Variants in PCDHGA5 observed in about 807,000 individuals in gnomAD.
PCDHGA5 encodes protocadherin gamma-A5.
In PCDHGA5, 36 loss-of-function variants were observed where a neutral mutation model predicts 56.7. The ratio of observed to expected loss-of-function variants is 0.64; its 90% CI spans 0.49 to 0.84. The LOEUF is 0.84. Among genes scored for constraint, PCDHGA5 ranks in the 40% least tolerant of loss-of-function variants. The probability of loss-of-function intolerance (pLI) is 0.00; values close to 1 mark genes in which losing one functional copy is unlikely to be tolerated. For missense variants in PCDHGA5, 1,305 were observed against 1,201.5 expected (o/e 1.09, Z -1.27); for synonymous variants, 563 against 520.2 (o/e 1.08, Z -1.12).
At position 141,477,781 on chromosome 5, in the gene PCDHGA5, A is replaced by G; in HGVS notation, c.2422-17026A>G. 6.2e-7 allele frequency: 1 copy of G among 1,614,036 alleles called. No homozygotes were observed. Among genetic ancestry groups the G allele is most frequent in the South Asian group, 1.1e-5 (1 of 91,090 alleles). Reference sequence around the variant, plus strand: ...TAGCCACCAACATCAGCGTGAACATATTTGTCACTGATCGCAATGACAATG... The same window carrying G: ...TAGCCACCAACATCAGCGTGAACATGTTTGTCACTGATCGCAATGACAATG... On this transcript the variant is annotated intron_variant, in intron 1 of 3. Coordinates refer to ENST00000518069, the MANE Select transcript of PCDHGA5 (RefSeq NM_018918.3). The surrounding 1 kb of genome is among the most constrained non-coding windows in gnomAD (Gnocchi z 4.9).
rs1330257915 is a variant in PCDHGA5 at position 141,486,153 on chromosome 5, C to T, written c.2422-8654C>T. Reference sequence around the variant, plus strand: ...GATGTGCGGGCTCGCGATGGGGGTTCTCCAGCCATGGAGCAACATTGCAGC... The same window carrying T: ...GATGTGCGGGCTCGCGATGGGGGTTTTCCAGCCATGGAGCAACATTGCAGC... On this transcript the variant is annotated intron_variant, in intron 1 of 3. Transcript: ENST00000518069. This position sits in a 1 kb window ranked among gnomAD's most constrained non-coding sequence, Gnocchi z 5.0. 1 of 1,614,084 alleles carries T rather than the reference C, an allele frequency of 6.2e-7. No homozygotes were observed. Among genetic ancestry groups the T allele is most frequent in the Non-Finnish European group, 8.5e-7 (1 of 1,180,036 alleles).
In PCDHGA5 at chr5:141,476,653, C is replaced by T; in HGVS notation, c.2422-18154C>T. ...CCTATGAGCTGAGCCGAAATGAATA[C>T]TTTGCGCTTCGCGTGCAGACGCGGG... is the stretch of plus-strand genomic sequence containing the variant. On this transcript the variant is annotated intron_variant, in intron 1 of 3. Transcript: ENST00000518069. The surrounding 1 kb of genome is among the most constrained non-coding windows in gnomAD (Gnocchi z 7.6). 6.2e-7 allele frequency: 1 copy of T among 1,614,270 alleles called. No individual in the cohort carries two copies. The highest frequency in any genetic ancestry group is 8.5e-7 in the Non-Finnish European group (1 of 1,180,058).
At chr5:141,478,468 C>A (rs2099457906) in intron 1 of PCDHGA5, 2 of 1,613,800 alleles carry the variant, frequency 1.2e-6, no homozygotes, top group Admixed American at 1.7e-5. Flanking sequence ...CACTGGCCAG[C>A]CGCCAGAACA....
intron 1 of PCDHGA5, chr5:141,375,951 C>A (rs767101939): frequency 6.2e-7 from 1 of 1,613,408 alleles, no homozygotes; most frequent in Non-Finnish European, 8.5e-7. Flanking sequence ...GGCCTGCACA[C>A]GGGCGAGGTG....
At chr5:141,423,755 G>GT (rs542747697) in intron 1 of PCDHGA5, 5 of 512,416 alleles carry the variant, frequency 9.8e-6, no homozygotes, top group Admixed American at 7.1e-5. Context: ...CTGTTTGGGG[G>GT]GGGGGTGGGG....
rs762418103 is a variant in PCDHGA5 at position 141,364,738 on chromosome 5, A to G, written c.408A>G (p.Glu136=). Reference sequence around the variant, plus strand: ...ATAACTTCCCGCGTTTCCGGGATGAAGAGTTAAAAGTAAAAGTTAATGAAA... The same window carrying G: ...ATAACTTCCCGCGTTTCCGGGATGAGGAGTTAAAAGTAAAAGTTAATGAAA... ...INDNFPRFRD[E]ELKVKVNENA... is the part of the protein sequence containing the mutation. Residue 136 remains glutamate (E), a synonymous_variant, in exon 1 of 4, where the codon GAA becomes GAG. Transcript: ENST00000518069. The G allele has an allele frequency of 3.1e-6, 5 of 1,613,948 alleles. 1 individual carries two copies. In the South Asian group the frequency reaches 5.5e-5, roughly 18 times the overall value.
At chr5:141,439,547 T>C (rs2098120171) in intron 1 of PCDHGA5, among the ~76,000 whole-genome samples, 2 of 152,180 alleles carry the variant, frequency 1.3e-5, no homozygotes, top group Non-Finnish European at 2.9e-5. Context: ...CTCTCATTTC[T>C]TCAGGCTGCA....
rs748803155 is a variant in PCDHGA5, at chr5:141,490,087, G to C, written c.2422-4720G>C. ...CGGCCAACTAGACTATTCTTTTGGAGACCACACATCTGAGGCAGTGCGGAA... is the reference window on the plus strand; with the variant it reads ...CGGCCAACTAGACTATTCTTTTGGACACCACACATCTGAGGCAGTGCGGAA... On this transcript the variant is annotated intron_variant, in intron 1 of 3. Transcript: ENST00000518069. The surrounding 1 kb of genome is among the most constrained non-coding windows in gnomAD (Gnocchi z 5.4). 1.9e-6 allele frequency: 3 copies of C among 1,614,244 alleles called. No individual in the cohort carries two copies. Among genetic ancestry groups the C allele is most frequent in the Non-Finnish European group, 2.5e-6 (3 of 1,180,044 alleles).
chr5:141,476,205 C>G lies in PCDHGA5; in HGVS notation c.2422-18602C>G. ...CTGCTTGGTGCCTTGAACAAGGCTT[C>G]CACGGTCATTCACTATGAGATCCCG... On this transcript the variant is annotated intron_variant, in intron 1 of 3. Transcript: ENST00000518069. The surrounding 1 kb of genome is among the most constrained non-coding windows in gnomAD (Gnocchi z 7.6). 1 of 1,613,892 alleles carries G rather than the reference C, an allele frequency of 6.2e-7. No homozygotes were observed. Among genetic ancestry groups the G allele is most frequent in the Non-Finnish European group, 8.5e-7 (1 of 1,180,012 alleles).
chr5:141,425,559 G>A (rs1180113940), intron 1 of PCDHGA5, among the ~76,000 whole-genome samples: 2 of 152,176 alleles, frequency 1.3e-5, no homozygotes, highest in East Asian at 3.9e-4. Context: ...TCTTTTATAA[G>A]TGATAAGAAG....
At position 141,489,097 on chromosome 5, in the gene PCDHGA5, C is replaced by A; in HGVS notation, c.2422-5710C>A. ...ACCCCCGCCACTCGGTGACTAAGAA[C>A]TGCTGCAAGCAGGCAAACCTCCGAG... On this transcript the variant is annotated intron_variant, in intron 1 of 3. Transcript: ENST00000518069. This position sits in a 1 kb window ranked among gnomAD's most constrained non-coding sequence, Gnocchi z 4.5. The A allele has an allele frequency of 2.6e-5, 8 of 313,358 alleles. No homozygotes were observed. Among genetic ancestry groups the A allele is most frequent in the Non-Finnish European group, 3.5e-5 (6 of 172,456 alleles). The allele number at this position is 313,358 out of a possible 1,614,324, so 19.4% of individuals were successfully genotyped here. A position where few individuals can be genotyped will look rare whatever the true frequency, so the allele number is the denominator to read the frequency against.
intron 1 of PCDHGA5, among the ~76,000 whole-genome samples, chr5:141,406,535 G>A (rs2094820779): frequency 6.6e-6 from 1 of 152,168 alleles, no homozygotes; most frequent in South Asian, 2.1e-4. Context: ...TTCTGACGAA[G>A]ATTCAAACTT....
chr5:141,382,683 G>C, intron 1 of PCDHGA5: 1 of 444,266 alleles, frequency 2.3e-6, no homozygotes, highest in Non-Finnish European at 4.0e-6. Flanking sequence ...ACCAACCAGG[G>C]AAAAATGGTG....
At chr5:141,413,822 T>G in intron 1 of PCDHGA5, 1 of 1,613,216 alleles carries the variant, frequency 6.2e-7, no homozygotes, top group Non-Finnish European at 8.5e-7. Context: ...CACCTGGTCC[T>G]CACCGCCTCC....
At chr5:141,426,963 C>G (rs1008659501) in intron 1 of PCDHGA5, 1 of 456,646 alleles carries the variant, frequency 2.2e-6, no homozygotes, top group African/African-American at 2.0e-5. Flanking sequence ...TGCTGCAATT[C>G]AAATTGAGGT....
chr5:141,452,133 A>C (rs2098734490), intron 1 of PCDHGA5, among the ~76,000 whole-genome samples: 1 of 152,136 alleles, frequency 6.6e-6, no homozygotes, highest in Admixed American at 6.5e-5. Flanking sequence ...TATATGGCTC[A>C]TGTGTTTTTT....
chr5:141,490,143 A>G lies in PCDHGA5; in HGVS notation c.2422-4664A>G. On this transcript the variant is annotated intron_variant, in intron 1 of 3. Transcript: ENST00000518069. The surrounding 1 kb of genome is among the most constrained non-coding windows in gnomAD (Gnocchi z 5.4). ...TTGGCCTAGACCCTAGCAGTGGGGC[A>G]ATCCATGTGTTGGGTCCCATAGACT... is the stretch of plus-strand genomic sequence containing the variant. 1 of 1,614,234 alleles carries G rather than the reference A, an allele frequency of 6.2e-7. No homozygotes were observed. The highest frequency in any genetic ancestry group is 8.5e-7 in the Non-Finnish European group (1 of 1,180,034).
At chr5:141,379,876 T>C (rs1775908667) in intron 1 of PCDHGA5, among the ~76,000 whole-genome samples, 1 of 146,348 alleles carries the variant, frequency 6.8e-6, no homozygotes, top group African/African-American at 2.5e-5. Flanking sequence ...TATTTTATGG[T>C]CTGTGAAAGC....
chr5:141,486,561 T>C lies in PCDHGA5; in HGVS notation c.2422-8246T>C. ...TTCTTTCAGAGGTCACATGAGGTGT[T>C]TGTTCCTGAGAACAATCGCCCAGGG... On this transcript the variant is annotated intron_variant, in intron 1 of 3. Transcript: ENST00000518069. This position sits in a 1 kb window ranked among gnomAD's most constrained non-coding sequence, Gnocchi z 5.0. 6.2e-7 allele frequency: 1 copy of C among 1,614,076 alleles called. No individual in the cohort carries two copies. Among genetic ancestry groups the C allele is most frequent in the Non-Finnish European group, 8.5e-7 (1 of 1,180,030 alleles).
Sources: allele counts gnomAD v4.1 joint callset (sites outside exome capture counted in the v4.1 genomes callset), GRCh38; gene constraint gnomAD v4.1.1; non-coding constraint Gnocchi (gnomAD v3.1); transcripts MANE v1.5; gene names NCBI Gene and HGNC (gene_info 2026-07-23, HGNC 2026-07-21).